Variants in DACH1 observed in about 807,000 individuals in gnomAD.
The protein encoded by DACH1 is dachshund family transcription factor 1.
DACH1 carries 12 observed loss-of-function variants against 54.2 expected under a neutral mutation model. The ratio of observed to expected loss-of-function variants is 0.22; its 90% CI spans 0.14 to 0.36. The LOEUF is 0.36. DACH1 is among the 10% of genes least tolerant of loss of function. The probability of loss-of-function intolerance (pLI) is 1.00; values close to 1 mark genes in which losing one functional copy is unlikely to be tolerated. For synonymous variants in DACH1, 386 were observed against 366.2 expected (o/e 1.05, Z -0.62); for missense variants, 805 against 929.8 (o/e 0.87, Z 1.75).
In DACH1 at chr13:71,444,431, T is replaced by C. The variant is rs563612657; in HGVS notation, c.2084-3739A>G. 6.1e-4 allele frequency among the ~76,000 whole-genome samples: 93 copies of C among 152,282 alleles called. 1 individual carries two copies. The South Asian group carries it at 0.018, about 30-fold the overall frequency. ...TTCTTATTTTTTAAAAAATACGCAATGTTTCCTAGGATTAAACAGAGGGAA... is the reference window on the plus strand; with the variant it reads ...TTCTTATTTTTTAAAAAATACGCAACGTTTCCTAGGATTAAACAGAGGGAA... On this transcript the variant is annotated intron_variant, in intron 10 of 10. Transcript: ENST00000613252.
chr13:71,554,109 G>T (rs1884082032), intron 6 of DACH1, among the ~76,000 whole-genome samples: 1 of 151,874 alleles, frequency 6.6e-6, no homozygotes, highest in African/African-American at 2.4e-5. Flanking sequence ...AAGTTACAGG[G>T]ATATTATGAG....
At chr13:71,675,599 C>G in intron 2 of DACH1, 1 of 621,000 alleles carries the variant, frequency 1.6e-6, no homozygotes. Flanking sequence ...GTACCTAAGT[C>G]TATGATTGCG....
intron 1 of DACH1, among the ~76,000 whole-genome samples, chr13:71,830,924 C>T (rs1295362673): frequency 1.3e-5 from 2 of 151,854 alleles, no homozygotes; most frequent in Non-Finnish European, 2.9e-5. Flanking sequence ...ACTGATAGGA[C>T]TTATCTTGAG....
At chr13:71,641,518 A>G (rs1877897524) in intron 2 of DACH1, among the ~76,000 whole-genome samples, 2 of 152,310 alleles carry the variant, frequency 1.3e-5, no homozygotes, top group South Asian at 4.1e-4. Context: ...GAAAACGTGA[A>G]TAGTGAGAGG....
chr13:71,537,631 T>C (rs930267506), intron 6 of DACH1, among the ~76,000 whole-genome samples: 2 of 152,040 alleles, frequency 1.3e-5, no homozygotes, highest in Non-Finnish European at 2.9e-5. Context: ...AGAGAATAAA[T>C]AAAGTCTTCA....
At chr13:71,476,288 C>CA (rs1296134574) in intron 8 of DACH1, among the ~76,000 whole-genome samples, 3 of 152,078 alleles carry the variant, frequency 2.0e-5, no homozygotes, top group Non-Finnish European at 4.4e-5. Flanking sequence ...TTTTGACCAG[C>CA]AAATGGAGCA....
At chr13:71,592,494 C>CAAAAAAAAAAAAAAAAAAAAAAA (rs575364116) in intron 3 of DACH1, among the ~76,000 whole-genome samples, 2 of 32,778 alleles carry the variant, frequency 6.1e-5, no homozygotes, top group African/African-American at 1.1e-4. Context: ...GACTCTATCT[C>CAAAAAAAAAAAAAAAAAAAAAAA]AAAAAAAAAA....
intron 1 of DACH1, among the ~76,000 whole-genome samples, chr13:71,768,858 T>C (rs889857972): frequency 6.6e-6 from 1 of 151,900 alleles, no homozygotes; most frequent in Non-Finnish European, 1.5e-5. Flanking sequence ...ACTGAGTTAT[T>C]TGACATCACG....
At chr13:71,784,963 G>A (rs1172697225) in intron 1 of DACH1, among the ~76,000 whole-genome samples, 3 of 152,070 alleles carry the variant, frequency 2.0e-5, no homozygotes, top group Non-Finnish European at 2.9e-5. Flanking sequence ...CTAGAAAAGC[G>A]ATGATCACTA....
intron 1 of DACH1, among the ~76,000 whole-genome samples, chr13:71,847,314 T>C (rs1873348107): frequency 3.3e-5 from 5 of 152,356 alleles, no homozygotes; most frequent in Admixed American, 2.6e-4. Flanking sequence ...CCCATAATTA[T>C]GAATTTCATA....
chr13:71,733,688 C>T (rs777614338), intron 1 of DACH1, among the ~76,000 whole-genome samples: 25 of 152,092 alleles, frequency 1.6e-4, no homozygotes, highest in Non-Finnish European at 2.9e-4. Flanking sequence ...GTAAGCTAGT[C>T]ATTTTGCAAT....
chr13:71,821,538 T>C (rs1255119170), intron 1 of DACH1, among the ~76,000 whole-genome samples: 1 of 152,186 alleles, frequency 6.6e-6, no homozygotes, highest in Non-Finnish European at 1.5e-5. Flanking sequence ...CTTCAAAATA[T>C]TCAGTTTTTA....
intron 3 of DACH1, among the ~76,000 whole-genome samples, chr13:71,603,630 G>A (rs1425502960): frequency 3.3e-5 from 5 of 151,840 alleles, no homozygotes; most frequent in South Asian, 2.1e-4. Flanking sequence ...CACATGAAAC[G>A]ATAAAATAGT....
intron 1 of DACH1, among the ~76,000 whole-genome samples, chr13:71,694,142 G>C (rs1881686350): frequency 6.6e-6 from 1 of 152,058 alleles, no homozygotes; most frequent in South Asian, 2.1e-4. Context: ...CAAGTTATTT[G>C]TATGCCACCT....
At chr13:71,653,910 C>T (rs1285815021) in intron 2 of DACH1, among the ~76,000 whole-genome samples, 1 of 151,652 alleles carries the variant, frequency 6.6e-6, no homozygotes, top group Non-Finnish European at 1.5e-5. Flanking sequence ...TAAATGTTCT[C>T]ATCAGAAAAA....
chr13:71,761,163 C>T (rs1475354128), intron 1 of DACH1, among the ~76,000 whole-genome samples: 3 of 152,018 alleles, frequency 2.0e-5, no homozygotes, highest in Non-Finnish European at 4.4e-5. Flanking sequence ...TGAATTACCT[C>T]TATGCTATTC....
chr13:71,464,950 G>T (rs1298742089), intron 10 of DACH1, among the ~76,000 whole-genome samples: 1 of 152,008 alleles, frequency 6.6e-6, no homozygotes. Flanking sequence ...CTTTGGCTGT[G>T]CTAATATAGG....
intron 9 of DACH1, 126 bp downstream of exon 9, chr13:71,475,576 GCTTT>G: frequency 1.8e-6 from 2 of 1,127,186 alleles, no homozygotes; most frequent in South Asian, 3.3e-5. Flanking sequence ...TTCCCACCCT[GCTTT>G]CAGCTTCAAG....
At chr13:71,832,376 CA>C (rs1460787397) in intron 1 of DACH1, among the ~76,000 whole-genome samples, 1 of 151,644 alleles carries the variant, frequency 6.6e-6, no homozygotes, top group Non-Finnish European at 1.5e-5. Flanking sequence ...TAGATATTGT[CA>C]AAAGTAAGTA....
Sources: gnomAD v4.1 joint callset for allele counts (sites outside exome capture counted in the v4.1 genomes callset) on GRCh38, gnomAD v4.1.1 for gene constraint, MANE v1.5 for transcripts, NCBI Gene and HGNC (gene_info 2026-07-23, HGNC 2026-07-21) for gene names.